The following SDC4 variants were observed in gnomAD, a reference collection of about 807,000 sequenced individuals.
SDC4 encodes syndecan 4, also known as syndecan-4.
Under a neutral mutation model 20.5 loss-of-function variants are expected in SDC4, and 17 were observed. The ratio of observed to expected loss-of-function variants is 0.83; its 90% CI spans 0.57 to 1.25. SDC4 has a LOEUF of 1.25. SDC4 is among the 50% of genes most tolerant of loss of function. The probability of loss-of-function intolerance (pLI) is 0.00; values close to 1 mark genes in which losing one functional copy is unlikely to be tolerated. For synonymous variants in SDC4, 107 were observed against 105.3 expected, an observed-to-expected ratio of 1.02 and a Z score of -0.10; for missense variants, 241 against 252.3, an observed-to-expected ratio of 0.96 and a Z score of 0.30.
intron 2 of SDC4, among the ~76,000 whole-genome samples, chr20:45,334,407 C>A (rs4812891): frequency 0.8 from 122,191 of 152,178 alleles, 49,431 homozygotes; most frequent in East Asian, 0.94. Context: ...GGATATATTA[C>A]TTAACTCCAC....
At chr20:45,340,249 A>G (rs1244912066) in intron 1 of SDC4, among the ~76,000 whole-genome samples, 1 of 152,260 alleles carries the variant, frequency 6.6e-6, no homozygotes, top group African/African-American at 2.4e-5. Context: ...AGTATCCACT[A>G]CATGCCAAGC....
At chr20:45,327,796 A>C (rs2145706136) in intron 4 of SDC4, among the ~76,000 whole-genome samples, 1 of 152,346 alleles carries the variant, frequency 6.6e-6, no homozygotes, top group South Asian at 2.1e-4. Flanking sequence ...GGCACGTGCC[A>C]CCATGCCCGG....
intron 2 of SDC4, among the ~76,000 whole-genome samples, chr20:45,334,918 A>C (rs1987838289): frequency 6.6e-6 from 1 of 152,220 alleles, no homozygotes; most frequent in South Asian, 2.1e-4. Context: ...CAGATTAGAA[A>C]ACTGAAGCTC....
At chr20:45,336,092 A>G (rs1987862519) in intron 1 of SDC4, among the ~76,000 whole-genome samples, 172 bp from the exon 2 acceptor site, 1 of 152,146 alleles carries the variant, frequency 6.6e-6, no homozygotes, top group South Asian at 2.1e-4. Context: ...TCCTTAGGCA[A>G]GTCTCTTTCC....
chr20:45,330,232 A>T, intron 4 of SDC4, 134 bp downstream of exon 4: 1 of 768,904 alleles, frequency 1.3e-6, no homozygotes, highest in Non-Finnish European at 2.2e-6. Flanking sequence ...TCAATGTTCT[A>T]GGGCAACCTG....
chr20:45,327,688 G>A (rs113399330), intron 4 of SDC4, among the ~76,000 whole-genome samples: 150 of 55,420 alleles, frequency 2.7e-3, no homozygotes, highest in African/African-American at 0.017. Context: ...TCTGTTGCCC[G>A]AGCTGAGTGC....
chr20:45,343,272 T>C (rs1987981006), intron 1 of SDC4, among the ~76,000 whole-genome samples: 1 of 152,202 alleles, frequency 6.6e-6, no homozygotes, highest in Non-Finnish European at 1.5e-5. Flanking sequence ...TAGGGCACCA[T>C]GCAGTGAAAA....
chr20:45,335,644 T>A (rs1987850544), intron 2 of SDC4, 138 bp downstream of exon 2: 1 of 888,800 alleles, frequency 1.1e-6, no homozygotes, highest in Non-Finnish European at 1.7e-6. Flanking sequence ...TGTTTCCCCT[T>A]TTTTTGAGAA....
intron 4 of SDC4, among the ~76,000 whole-genome samples, chr20:45,329,973 T>C (rs1568903822): frequency 1.3e-5 from 2 of 152,100 alleles, no homozygotes; most frequent in Non-Finnish European, 2.9e-5. Flanking sequence ...TGCCAAGTGA[T>C]AGAGTAGGGG....
rs1460137323 is a variant in SDC4, at chr20:45,335,229, G to A, written c.199+553C>T. Among the ~76,000 whole-genome samples, 4 of 151,664 alleles carry A rather than the reference G, an allele frequency of 2.6e-5. No individual in the cohort carries two copies. In the East Asian group the frequency reaches 5.8e-4, roughly 22 times the overall value. The stretch of plus-strand genomic sequence containing the variant: ...GTCTCACTCTGTCACCCAGGCTGGA[G>A]TGCAGTAGCATGATCTTGGCTCACT... On this transcript the variant is annotated intron_variant, in intron 2 of 4. Coordinates refer to ENST00000372733, the MANE Select transcript of SDC4 (RefSeq NM_002999.4).
chr20:45,341,309 A>G (rs998792408), intron 1 of SDC4, among the ~76,000 whole-genome samples: 1 of 152,206 alleles, frequency 6.6e-6, no homozygotes, highest in Admixed American at 6.5e-5. Context: ...GTAAAGGAAT[A>G]TAATCTATAA....
chr20:45,335,693 A>C (rs1987851532), intron 2 of SDC4, 89 bp downstream of exon 2: 25 of 1,408,694 alleles, frequency 1.8e-5, no homozygotes, highest in Non-Finnish European at 2.4e-5. Context: ...ACAAAAATCC[A>C]AGTCTCAAGG....
chr20:45,330,858 A>C (rs1316809933), intron 3 of SDC4, among the ~76,000 whole-genome samples: 1 of 152,350 alleles, frequency 6.6e-6, no homozygotes, highest in East Asian at 1.9e-4. Flanking sequence ...CCACTCTGGA[A>C]GCAATTTGGC....
chr20:45,336,512 A>T (rs1167167097), intron 1 of SDC4, among the ~76,000 whole-genome samples: 1 of 152,246 alleles, frequency 6.6e-6, no homozygotes, highest in Non-Finnish European at 1.5e-5. Flanking sequence ...CTGTTTTAAT[A>T]ACTCTGGAGG....
At position 45,326,003 on chromosome 20, in the gene SDC4, G is replaced by C. The variant is rs1224792585; in HGVS notation, c.*1261C>G. The C allele has an allele frequency of 6.6e-6, 1 of 152,262 alleles. No homozygotes were observed. Among genetic ancestry groups the C allele is most frequent in the African/African-American group, 2.4e-5 (1 of 41,274 alleles). 9.4% of individuals were successfully genotyped at this position (152,262 alleles called of 1,614,324 possible). A position where few individuals can be genotyped will look rare whatever the true frequency, so the allele number is the denominator to read the frequency against. On this transcript the variant is annotated 3_prime_UTR_variant, in exon 5 of 5. Transcript: ENST00000372733. ...CCCCATCAGAAGGCACCAGGAACAG[G>C]GCAAGAGAAAAAGGCAAAAACCCAC... is the stretch of plus-strand genomic sequence containing the variant.
intron 1 of SDC4, among the ~76,000 whole-genome samples, chr20:45,340,661 G>A (rs150342320): frequency 7.1e-4 from 108 of 152,354 alleles, no homozygotes; most frequent in African/African-American, 2.5e-3. Context: ...ACTAATGAGA[G>A]CCTCTCCCGA....
Position 45,327,289 on chromosome 20 carries a change from G to A in SDC4, c.572C>T (p.Ala191Val). The change falls in exon 5 of 5, where the codon GCC becomes GTC. Residue 191 changes from alanine to valine, a missense_variant. Physicochemically the swap from Ala to Val is moderately conservative, Grantham distance 64. Coordinates refer to ENST00000372733, the MANE Select transcript of SDC4 (RefSeq NM_002999.4). ...TCACGCGTAGAACTCATTGGTGGGGGCTTTCTTGTAGATGGGTTTCTTGCC... is the reference window on the plus strand; with the variant it reads ...TCACGCGTAGAACTCATTGGTGGGGACTTTCTTGTAGATGGGTTTCTTGCC... ...DLGKKPIYKK[A>V]PTNEFYA 6.2e-7 allele frequency: 1 copy of A among 1,614,192 alleles called. No homozygotes were observed. The highest frequency in any genetic ancestry group is 8.5e-7 in the Non-Finnish European group (1 of 1,180,038).
At chr20:45,339,457 A>G (rs1338915385) in intron 1 of SDC4, among the ~76,000 whole-genome samples, 1 of 152,204 alleles carries the variant, frequency 6.6e-6, no homozygotes, top group African/African-American at 2.4e-5. Flanking sequence ...GAAATTACCA[A>G]CTAAGTAAGA....
intron 1 of SDC4, 147 bp from the exon 2 acceptor site, chr20:45,336,067 C>G: frequency 2.8e-6 from 2 of 720,946 alleles, no homozygotes; most frequent in Non-Finnish European, 4.5e-6. Flanking sequence ...CACTCTACCT[C>G]TAACTCACCG....
Sources: gnomAD v4.1 joint callset for allele counts (sites outside exome capture counted in the v4.1 genomes callset) on GRCh38, gnomAD v4.1.1 for gene constraint, MANE v1.5 for transcripts, NCBI Gene and HGNC (gene_info 2026-07-23, HGNC 2026-07-21) for gene names.